Variants in MYO16 observed in about 807,000 individuals in gnomAD.
MYO16 encodes the protein unconventional myosin-XVI.
MYO16 carries 94 observed loss-of-function variants against 205.3 expected under a neutral mutation model. The observed-to-expected ratio is 0.46, with a 90% CI of 0.39 to 0.54. The LOEUF is 0.54. MYO16 is among the 20% of genes least tolerant of loss of function. MYO16 has a pLI of 0.00. For synonymous variants in MYO16, 988 were observed against 954.0 expected, an observed-to-expected ratio of 1.04 and a Z score of -0.66; for missense variants, 2,315 against 2,387.5, an observed-to-expected ratio of 0.97 and a Z score of 0.63.
chr13:108,561,079 C>T, the MYO16 span, among the ~76,000 whole-genome samples: 5 of 152,218 alleles, frequency 3.3e-5, no homozygotes, highest in Non-Finnish European at 5.9e-5. Context: ...AAGGCTTTGT[C>T]TGTCCCATAA....
intron 14 of MYO16, among the ~76,000 whole-genome samples, chr13:108,891,498 CTA>C (rs1880170919): frequency 6.6e-6 from 1 of 152,204 alleles, no homozygotes; most frequent in Admixed American, 6.5e-5. Context: ...AATCAATATT[CTA>C]TGTGTAACAT....
the MYO16 span, among the ~76,000 whole-genome samples, chr13:108,541,282 T>C: frequency 1.3e-5 from 2 of 151,724 alleles, no homozygotes; most frequent in African/African-American, 4.8e-5. Context: ...ATCTAAATTA[T>C]GTATAAATGT....
intron 20 of MYO16, among the ~76,000 whole-genome samples, chr13:108,977,268 G>C (rs1198942663): frequency 6.6e-6 from 1 of 152,072 alleles, no homozygotes; most frequent in African/African-American, 2.4e-5. Flanking sequence ...TACTCACCTA[G>C]TTCACTATTG....
chr13:108,532,458 G>A, the MYO16 span, among the ~76,000 whole-genome samples: 1 of 151,080 alleles, frequency 6.6e-6, no homozygotes, highest in Non-Finnish European at 1.5e-5. Flanking sequence ...TTTGAGAAGA[G>A]AGAGTGTGGT....
At chr13:109,093,088 G>A (rs1263404373) in intron 27 of MYO16, among the ~76,000 whole-genome samples, 1 of 152,084 alleles carries the variant, frequency 6.6e-6, no homozygotes, top group African/African-American at 2.4e-5. Context: ...TTGAGTCCTT[G>A]ATGTTGAGAA....
At chr13:109,108,603 A>AT in intron 28 of MYO16, among the ~76,000 whole-genome samples, 1 of 152,232 alleles carries the variant, frequency 6.6e-6, no homozygotes, top group Non-Finnish European at 1.5e-5. Context: ...GGCAATTGCG[A>AT]TGGCTCACAG....
intron 2 of MYO16, among the ~76,000 whole-genome samples, chr13:108,697,057 A>T (rs74508135): frequency 0.041 from 6,285 of 152,116 alleles, 183 homozygotes; most frequent in South Asian, 0.12. Context: ...CTGGCAGGGC[A>T]AACTTTGCTC....
At chr13:108,719,479 C>G (rs1566569684) in intron 3 of MYO16, among the ~76,000 whole-genome samples, 1 of 151,984 alleles carries the variant, frequency 6.6e-6, no homozygotes, top group Non-Finnish European at 1.5e-5. Flanking sequence ...GACGGGCCAG[C>G]AGCTCACCAC....
At chr13:109,155,995 A>G (rs968819781) in intron 32 of MYO16, among the ~76,000 whole-genome samples, 1 of 152,224 alleles carries the variant, frequency 6.6e-6, no homozygotes, top group Admixed American at 6.5e-5. Flanking sequence ...GTAAAAGAAA[A>G]CAAATCACTT....
chr13:108,838,301 CAT>C (rs1345957337), intron 9 of MYO16, among the ~76,000 whole-genome samples: 14 of 152,022 alleles, frequency 9.2e-5, no homozygotes, highest in African/African-American at 3.4e-4. Context: ...AAGACTATCA[CAT>C]GTTAAATGTC....
chr13:109,142,257 T>C (rs1182039190), intron 32 of MYO16, among the ~76,000 whole-genome samples: 1 of 152,222 alleles, frequency 6.6e-6, no homozygotes, highest in Non-Finnish European at 1.5e-5. Context: ...AAAAGACATG[T>C]TAAGGTTTGT....
At chr13:109,034,012 C>G (rs1428336737) in intron 23 of MYO16, among the ~76,000 whole-genome samples, 3 of 152,094 alleles carry the variant, frequency 2.0e-5, no homozygotes, top group Admixed American at 2.0e-4. Context: ...TGCCTCAATG[C>G]ATCTTAGGGC....
chr13:108,814,874 GCAAA>G (rs1429076126), intron 7 of MYO16, among the ~76,000 whole-genome samples: 6 of 152,122 alleles, frequency 3.9e-5, no homozygotes, highest in Admixed American at 6.5e-5. Flanking sequence ...TGTTACAAAC[GCAAA>G]CAAACAAACC....
chr13:108,957,058 C>T (rs1883378592), intron 16 of MYO16, among the ~76,000 whole-genome samples: 1 of 151,716 alleles, frequency 6.6e-6, no homozygotes, highest in Non-Finnish European at 1.5e-5. Context: ...AATTACAAAC[C>T]ATATGATAGA....
At chr13:108,684,836 C>T (rs1882608353) in intron 2 of MYO16, among the ~76,000 whole-genome samples, 1 of 152,174 alleles carries the variant, frequency 6.6e-6, no homozygotes, top group African/African-American at 2.4e-5. Context: ...TGAGGGCCGC[C>T]TGGTGAGCCT....
At chr13:108,999,763 G>T (rs890547025) in intron 21 of MYO16, among the ~76,000 whole-genome samples, 3 of 152,032 alleles carry the variant, frequency 2.0e-5, no homozygotes. Context: ...ACAAAACCAA[G>T]GTCTGAATTC....
intron 2 of MYO16, among the ~76,000 whole-genome samples, chr13:108,672,373 T>C (rs1169028433): frequency 1.3e-5 from 2 of 152,236 alleles, no homozygotes; most frequent in African/African-American, 4.8e-5. Context: ...AACTTGCAGA[T>C]TGTATATTTG....
At chr13:108,889,862 CCA>C (rs1880079180) in intron 14 of MYO16, among the ~76,000 whole-genome samples, 1 of 152,162 alleles carries the variant, frequency 6.6e-6, no homozygotes, top group South Asian at 2.1e-4. Context: ...CCTGGACATG[CCA>C]CAGTGTACTG....
intron 3 of MYO16, among the ~76,000 whole-genome samples, chr13:108,722,055 T>A (rs1471850736): frequency 1.3e-5 from 2 of 152,194 alleles, no homozygotes; most frequent in Admixed American, 6.5e-5. Flanking sequence ...TCAATAATTT[T>A]AAAACTGGAA....
Sources: gnomAD v4.1 joint callset for allele counts (sites outside exome capture counted in the v4.1 genomes callset) on GRCh38, gnomAD v4.1.1 for gene constraint, MANE v1.5 for transcripts, NCBI Gene and HGNC (gene_info 2026-07-23, HGNC 2026-07-21) for gene names.